Variants in CRB1 observed in about 807,000 individuals in gnomAD.
The protein encoded by CRB1 is protein crumbs homolog 1.
A neutral mutation model predicts 120.0 loss-of-function variants in CRB1; 83 were observed. That is an observed-to-expected ratio of 0.69 (90% CI 0.58 to 0.83). The LOEUF is 0.83. Ranked by LOEUF, CRB1 falls within the 40% of genes least tolerant of loss-of-function variation. The pLI is 0.00. For synonymous variants in CRB1, 625 were observed against 612.5 expected (o/e 1.02, Z -0.30); for missense variants, 1,699 against 1,687.6 (o/e 1.01, Z -0.12).
At chr1:197,366,143 A>G (rs1571405617) in intron 5 of CRB1, among the ~76,000 whole-genome samples, 1 of 152,092 alleles carries the variant, frequency 6.6e-6, no homozygotes, top group Non-Finnish European at 1.5e-5. Flanking sequence ...TATTTTTATC[A>G]ATGACTATAT....
chr1:197,435,680 T>C, intron 9 of CRB1, 68 bp downstream of exon 9: 1 of 1,366,454 alleles, frequency 7.3e-7, no homozygotes, highest in Non-Finnish European at 1.0e-6. Context: ...CTTGTCAAAT[T>C]GGAAAGCTCT....
At chr1:197,411,185 T>A (rs1663692830) in intron 5 of CRB1, among the ~76,000 whole-genome samples, 1 of 152,186 alleles carries the variant, frequency 6.6e-6, no homozygotes, top group African/African-American at 2.4e-5. Context: ...CCATATCTTA[T>A]CGCTGTCTCC....
the CRB1 span, among the ~76,000 whole-genome samples, chr1:197,255,996 T>TATATATACATATAC: frequency 8.6e-6 from 1 of 116,710 alleles, no homozygotes; most frequent in Non-Finnish European, 1.7e-5. Context: ...TATATATATA[T>TATATATACATATAC]ACACTACAAT....
chr1:197,289,272 A>G (rs1002214000), intron 1 of CRB1, among the ~76,000 whole-genome samples: 2 of 151,820 alleles, frequency 1.3e-5, no homozygotes, highest in Non-Finnish European at 2.9e-5. Context: ...CTGAAATATA[A>G]TTATCTTCTC....
intron 1 of CRB1, among the ~76,000 whole-genome samples, chr1:197,306,728 A>G (rs926146147): frequency 3.3e-5 from 5 of 152,188 alleles, no homozygotes; most frequent in Non-Finnish European, 5.9e-5. Flanking sequence ...AGAAAATCAC[A>G]CAGAAAGGCA....
At chr1:197,445,084 T>G (rs1345478838) in intron 11 of CRB1, among the ~76,000 whole-genome samples, 2 of 152,174 alleles carry the variant, frequency 1.3e-5, no homozygotes, top group East Asian at 3.8e-4. Context: ...ACAACCCTAA[T>G]TGTTCTTATT....
chr1:197,452,210 G>A (rs1037612312), intron 11 of CRB1, among the ~76,000 whole-genome samples: 4 of 152,094 alleles, frequency 2.6e-5, no homozygotes, highest in African/African-American at 9.7e-5. Flanking sequence ...GTTCTAAGAC[G>A]ACGAAGGAAA....
chr1:197,386,490 T>A (rs1662223352), intron 5 of CRB1, among the ~76,000 whole-genome samples: 1 of 152,192 alleles, frequency 6.6e-6, no homozygotes, highest in South Asian at 2.1e-4. Context: ...CCTGCATCTC[T>A]GCATGCAAAG....
chr1:197,238,193 ATTG>A, the CRB1 span, among the ~76,000 whole-genome samples: 1 of 152,028 alleles, frequency 6.6e-6, no homozygotes, highest in Non-Finnish European at 1.5e-5. Context: ...GTTTGATTTT[ATTG>A]TTGTCAGAGA....
At chr1:197,317,438 A>AAAAC (rs1657920662) in intron 1 of CRB1, among the ~76,000 whole-genome samples, 1 of 152,136 alleles carries the variant, frequency 6.6e-6, no homozygotes, top group East Asian at 1.9e-4. Flanking sequence ...AAAACAAAAC[A>AAAAC]AAACAAACAA....
At chr1:197,259,684 T>G in the CRB1 span, among the ~76,000 whole-genome samples, 1 of 152,108 alleles carries the variant, frequency 6.6e-6, no homozygotes, top group Non-Finnish European at 1.5e-5. Context: ...TACCTGAACT[T>G]AAAGTTAAAA....
At chr1:197,379,288 T>TTTTTC (rs776925820) in intron 5 of CRB1, among the ~76,000 whole-genome samples, 7 of 152,118 alleles carry the variant, frequency 4.6e-5, no homozygotes, top group African/African-American at 1.2e-4. Flanking sequence ...TTAAAAATCA[T>TTTTTC]TTTTCTTTTC....
intron 5 of CRB1, among the ~76,000 whole-genome samples, chr1:197,393,054 G>A (rs192612703): frequency 2.6e-4 from 39 of 152,078 alleles, no homozygotes; most frequent in Admixed American, 8.5e-4. Flanking sequence ...TAATTAGACT[G>A]AGTATATATT....
the CRB1 span, among the ~76,000 whole-genome samples, chr1:197,231,165 AAC>A: frequency 6.6e-6 from 1 of 152,328 alleles, no homozygotes; most frequent in East Asian, 1.9e-4. Context: ...ATGTTTTATA[AAC>A]AGTTACAGGC....
intron 1 of CRB1, among the ~76,000 whole-genome samples, chr1:197,325,725 C>G (rs907921187): frequency 1.3e-5 from 2 of 151,948 alleles, no homozygotes; most frequent in African/African-American, 4.8e-5. Flanking sequence ...AAAAAAACAC[C>G]AGAAATATAC....
intron 4 of CRB1, among the ~76,000 whole-genome samples, chr1:197,354,239 T>C (rs1388619867): frequency 6.6e-6 from 1 of 152,174 alleles, no homozygotes; most frequent in African/African-American, 2.4e-5. Context: ...CAGCTTTTAT[T>C]AAAATTAAAA....
chr1:197,255,996 T>TATATATATATATATATAC, the CRB1 span, among the ~76,000 whole-genome samples: 1,323 of 116,026 alleles, frequency 0.011, 19 homozygotes, highest in Middle Eastern at 0.021. Flanking sequence ...TATATATATA[T>TATATATATATATATATAC]ACACTACAAT....
chr1:197,477,589 G>T (rs559436404), intron 11 of CRB1, 75 bp from the exon 12 acceptor site: 3 of 1,391,026 alleles, frequency 2.2e-6, no homozygotes, highest in Non-Finnish European at 3.1e-6. Context: ...CTTCATTCCT[G>T]AGTAGTTCCA....
intron 1 of CRB1, among the ~76,000 whole-genome samples, chr1:197,305,919 A>G (rs979846117): frequency 6.6e-6 from 1 of 151,916 alleles, no homozygotes; most frequent in Non-Finnish European, 1.5e-5. Context: ...AAAAAAAACA[A>G]AAAGCAAGAA....
Sources: gnomAD v4.1 joint callset for allele counts (sites outside exome capture counted in the v4.1 genomes callset) on GRCh38, gnomAD v4.1.1 for gene constraint, MANE v1.5 for transcripts, NCBI Gene and HGNC (gene_info 2026-07-23, HGNC 2026-07-21) for gene names.